RORA: variants seen among roughly 807,000 people sequenced by gnomAD.
RORA encodes nuclear receptor ROR-alpha.
In RORA, 7 loss-of-function variants were observed where a neutral mutation model predicts 69.5. The observed-to-expected ratio is 0.10, with a 90% CI of 0.06 to 0.19. The LOEUF (loss-of-function observed/expected upper bound fraction) is 0.19. Ranked by LOEUF, RORA falls within the 10% of genes least tolerant of loss-of-function variation. RORA has a pLI of 1.00. For synonymous variants in RORA, 261 were observed against 240.8 expected, an observed-to-expected ratio of 1.08 and a Z score of -0.78; for missense variants, 457 against 663.0, an observed-to-expected ratio of 0.69 and a Z score of 3.41.
intron 1 of RORA, among the ~76,000 whole-genome samples, chr15:61,201,961 T>C (rs756092576): frequency 6.6e-5 from 10 of 152,070 alleles, no homozygotes; most frequent in Non-Finnish European, 4.4e-5. Flanking sequence ...ATATGTAATA[T>C]GATATTTCTA....
At chr15:61,005,388 G>C (rs925137342) in intron 1 of RORA, among the ~76,000 whole-genome samples, 5 of 152,202 alleles carry the variant, frequency 3.3e-5, no homozygotes, top group African/African-American at 1.2e-4. Flanking sequence ...GCTGAGGCAG[G>C]AGAATTGCTT....
chr15:60,643,487 C>G (rs1364501752), intron 2 of RORA, among the ~76,000 whole-genome samples: 1 of 152,076 alleles, frequency 6.6e-6, no homozygotes, highest in Non-Finnish European at 1.5e-5. Context: ...GTTTGTGTTC[C>G]AAGAATAACC....
At chr15:60,852,516 C>T (rs905632814) in intron 1 of RORA, among the ~76,000 whole-genome samples, 10 of 152,172 alleles carry the variant, frequency 6.6e-5, no homozygotes, top group Non-Finnish European at 1.5e-4. Context: ...TAGGTCCTGG[C>T]ACACCGTAGG....
At chr15:60,697,970 G>A (rs2070929293) in intron 1 of RORA, among the ~76,000 whole-genome samples, 1 of 151,146 alleles carries the variant, frequency 6.6e-6, no homozygotes, top group South Asian at 2.1e-4. Context: ...TCCCACACAT[G>A]TGTGTAAAAT....
chr15:60,629,832 G>A (rs2069693139), intron 2 of RORA, among the ~76,000 whole-genome samples: 1 of 152,216 alleles, frequency 6.6e-6, no homozygotes, highest in African/African-American at 2.4e-5. Context: ...GAATAACTGA[G>A]GTCAAGGGAG....
intron 1 of RORA, among the ~76,000 whole-genome samples, chr15:60,975,564 G>C (rs2703450): frequency 6.6e-6 from 1 of 152,144 alleles, no homozygotes; most frequent in Non-Finnish European, 1.5e-5. Context: ...GTCCTATTCA[G>C]AACATGTTTG....
chr15:60,776,978 T>C (rs34753162), intron 1 of RORA, among the ~76,000 whole-genome samples: 35,654 of 152,162 alleles, frequency 0.23, 5,410 homozygotes, highest in African/African-American at 0.44. Context: ...CTCCAAGACA[T>C]GAGTATTTGT....
chr15:60,595,805 C>G (rs780954071), intron 2 of RORA, among the ~76,000 whole-genome samples: 1 of 152,002 alleles, frequency 6.6e-6, no homozygotes, highest in Non-Finnish European at 1.5e-5. Flanking sequence ...TTTCTGTTGA[C>G]TAATCTCAGA....
At chr15:60,532,642 T>C (rs890306098) in intron 2 of RORA, among the ~76,000 whole-genome samples, 2 of 152,200 alleles carry the variant, frequency 1.3e-5, no homozygotes, top group African/African-American at 4.8e-5. Flanking sequence ...AAACACATTA[T>C]ACCTCAGAGT....
chr15:60,518,494 T>C (rs1444462541), intron 3 of RORA, among the ~76,000 whole-genome samples: 1 of 152,230 alleles, frequency 6.6e-6, no homozygotes, highest in Non-Finnish European at 1.5e-5. Context: ...CAGGGCTGGA[T>C]AACTCCTACA....
At chr15:61,032,005 G>C (rs1280290863) in intron 1 of RORA, among the ~76,000 whole-genome samples, 1 of 152,302 alleles carries the variant, frequency 6.6e-6, no homozygotes, top group African/African-American at 2.4e-5. Context: ...ACCTGATAGG[G>C]TTTGTCTCAA....
chr15:61,215,820 T>C (rs1350240334), intron 1 of RORA, among the ~76,000 whole-genome samples: 3 of 152,226 alleles, frequency 2.0e-5, no homozygotes, highest in Non-Finnish European at 4.4e-5. Context: ...TACGTCTGCA[T>C]GTGTGTGTAT....
At chr15:60,991,213 C>T (rs553675078) in intron 1 of RORA, among the ~76,000 whole-genome samples, 2 of 152,300 alleles carry the variant, frequency 1.3e-5, no homozygotes, top group South Asian at 2.1e-4. Flanking sequence ...ATCAAGCTGA[C>T]TTCTAGCCAA....
chr15:61,053,664 G>A (rs909082488), intron 1 of RORA, among the ~76,000 whole-genome samples: 4 of 151,622 alleles, frequency 2.6e-5, no homozygotes, highest in Non-Finnish European at 4.4e-5. Flanking sequence ...CTGGGTATGC[G>A]GTCTTTGAGA....
chr15:60,772,238 G>C (rs891106275), intron 1 of RORA, among the ~76,000 whole-genome samples: 1 of 151,834 alleles, frequency 6.6e-6, no homozygotes, highest in Non-Finnish European at 1.5e-5. Context: ...GCCGCGGTGT[G>C]TGATGTTCCC....
At chr15:60,781,188 G>A (rs2072247926) in intron 1 of RORA, among the ~76,000 whole-genome samples, 2 of 152,158 alleles carry the variant, frequency 1.3e-5, no homozygotes, top group South Asian at 2.1e-4. Flanking sequence ...GAGTGGGGAC[G>A]ACTGAGCCTA....
chr15:60,964,628 T>G (rs1893500785), intron 1 of RORA, among the ~76,000 whole-genome samples: 1 of 152,038 alleles, frequency 6.6e-6, no homozygotes, highest in Non-Finnish European at 1.5e-5. Context: ...TTGTGGCAAA[T>G]GCAGGTGAGT....
At chr15:61,227,732 G>A (rs2080160864) in intron 1 of RORA, among the ~76,000 whole-genome samples, 1 of 152,162 alleles carries the variant, frequency 6.6e-6, no homozygotes, top group Non-Finnish European at 1.5e-5. Flanking sequence ...AAGAGGAGGG[G>A]GCGCGCTGGG....
chr15:60,779,287 CTT>C (rs2072219774), intron 1 of RORA, among the ~76,000 whole-genome samples: 2 of 152,140 alleles, frequency 1.3e-5, no homozygotes, highest in African/African-American at 2.4e-5. Flanking sequence ...TGGCCCAACT[CTT>C]ATCTTTTTGC....
Sources: gnomAD v4.1 joint callset for allele counts (sites outside exome capture counted in the v4.1 genomes callset) on GRCh38, gnomAD v4.1.1 for gene constraint, MANE v1.5 for transcripts, NCBI Gene and HGNC (gene_info 2026-07-23, HGNC 2026-07-21) for gene names.